The following CUBN variants were observed in gnomAD, a reference collection of about 807,000 sequenced individuals.
CUBN encodes the protein cubilin.
Under a neutral mutation model 405.3 loss-of-function variants are expected in CUBN, and 282 were observed. The observed-to-expected ratio is 0.70, with a 90% CI of 0.63 to 0.77. CUBN has a LOEUF of 0.77. Ranked by LOEUF, CUBN falls within the 30% of genes least tolerant of loss-of-function variation. The pLI, the probability that CUBN is intolerant of heterozygous loss-of-function variation, is 0.00. For synonymous variants in CUBN, 1,684 were observed against 1,617.0 expected (o/e 1.04, Z -0.99); for missense variants, 4,514 against 4,475.2 (o/e 1.01, Z -0.25).
chr10:17,066,298 G>C (rs1236850808), intron 21 of CUBN, among the ~76,000 whole-genome samples: 1 of 152,168 alleles, frequency 6.6e-6, no homozygotes, highest in African/African-American at 2.4e-5. Flanking sequence ...AAAGAGAGTT[G>C]TGATAAAAGA....
intron 9 of CUBN, among the ~76,000 whole-genome samples, chr10:17,110,032 T>C (rs1365549385): frequency 1.3e-5 from 2 of 152,202 alleles, no homozygotes; most frequent in Admixed American, 1.3e-4. Flanking sequence ...ATTTTTATAT[T>C]ACAGTGACTC....
Position 17,084,643 on chromosome 10 carries a change from A to T in CUBN, c.2111-182T>A, listed in dbSNP as rs926294018. 2.6e-5 allele frequency among the ~76,000 whole-genome samples: 4 copies of T among 152,238 alleles called. No individual in the cohort carries two copies. In the East Asian group the frequency reaches 5.8e-4, roughly 22 times the overall value. On this transcript the variant is annotated intron_variant, in intron 16 of 66. Coordinates refer to ENST00000377833, the MANE Select transcript of CUBN (RefSeq NM_001081.4). ...TTTTCAGTTTGATGTGTTGTGGGAC[A>T]TCTCTGTAGTGGCTTAAAGAAATAG...
chr10:16,914,268 A>T (rs1284942049), intron 47 of CUBN, among the ~76,000 whole-genome samples: 1 of 152,148 alleles, frequency 6.6e-6, no homozygotes, highest in Non-Finnish European at 1.5e-5. Context: ...TAATGAACTT[A>T]AGAATCAGGA....
intron 56 of CUBN, among the ~76,000 whole-genome samples, chr10:16,882,462 G>A (rs11254258): frequency 0.06 from 8,358 of 139,538 alleles, 766 homozygotes; most frequent in East Asian, 0.32. Flanking sequence ...CTATTTTTCC[G>A]GGATTTATTA....
At chr10:16,866,969 TAA>T (rs1840204065) in intron 59 of CUBN, among the ~76,000 whole-genome samples, 1 of 152,220 alleles carries the variant, frequency 6.6e-6, no homozygotes, top group African/African-American at 2.4e-5. Flanking sequence ...GAATTGAACC[TAA>T]TAGTCACATA....
chr10:16,862,145 C>CTT (rs1840032293), intron 59 of CUBN, among the ~76,000 whole-genome samples: 1 of 90,698 alleles, frequency 1.1e-5, no homozygotes. Flanking sequence ...GAGACTCCGT[C>CTT]TCTCTCTCTC....
At chr10:16,869,567 G>C in intron 59 of CUBN, 69 bp downstream of exon 59, 6 of 981,164 alleles carry the variant, frequency 6.1e-6, no homozygotes, top group Non-Finnish European at 7.8e-6. Context: ...TGGGGGGGGG[G>C]CGGGGAAATT....
intron 59 of CUBN, among the ~76,000 whole-genome samples, chr10:16,858,092 T>C (rs933195156): frequency 9.9e-5 from 15 of 152,100 alleles, no homozygotes; most frequent in African/African-American, 3.1e-4. Context: ...TTTAGGTATA[T>C]ACTTAATGAA....
chr10:17,065,499 T>C lies in CUBN; in HGVS notation c.3139+9A>G. 1 of 1,612,946 alleles carries C rather than the reference T, an allele frequency of 6.2e-7. No individual in the cohort carries two copies. Among genetic ancestry groups the C allele is most frequent in the Non-Finnish European group, 8.5e-7 (1 of 1,179,150 alleles). ...CAATAAAACCGAGTATGCAATGCTG[T>C]TTTGTTACCTGTTGCTGCACTGATT... On this transcript the variant is annotated intron_variant, in intron 22 of 66. Transcript: ENST00000377833.
chr10:17,063,411 A>G (rs912172346), intron 22 of CUBN, among the ~76,000 whole-genome samples: 2 of 152,172 alleles, frequency 1.3e-5, no homozygotes, highest in Non-Finnish European at 1.5e-5. Flanking sequence ...CAAAGTAATG[A>G]TTATCACACA....
chr10:16,914,998 CT>C lies in CUBN; in HGVS notation c.7351+33del, dbSNP rs762899505. 25 of 1,590,228 alleles carry C rather than the reference CT, an allele frequency of 1.6e-5. No individual in the cohort carries two copies. The African/African-American group carries it at 2.1e-4, about 14-fold the overall frequency. On this transcript the variant is annotated intron_variant, in intron 47 of 66. Coordinates refer to ENST00000377833, the MANE Select transcript of CUBN (RefSeq NM_001081.4). ...GCATAGTGTCTGTCCAATGCAGGTG[CT>C]CAATGTTGTGTTGAATGAATCAATG... is the stretch of plus-strand genomic sequence containing the variant.
intron 35 of CUBN, among the ~76,000 whole-genome samples, chr10:16,947,572 G>C (rs1261635539): frequency 6.6e-6 from 1 of 152,206 alleles, no homozygotes; most frequent in Non-Finnish European, 1.5e-5. Context: ...TGGTGGATTA[G>C]AAGGAATTTC....
chr10:17,125,775 T>C (rs1177914180), intron 4 of CUBN, among the ~76,000 whole-genome samples: 1 of 152,184 alleles, frequency 6.6e-6, no homozygotes, highest in African/African-American at 2.4e-5. Context: ...GCTGAGCGAA[T>C]ATAATGAAGC....
At chr10:16,923,389 T>A (rs2131474769) in intron 43 of CUBN, among the ~76,000 whole-genome samples, 1 of 152,240 alleles carries the variant, frequency 6.6e-6, no homozygotes, top group African/African-American at 2.4e-5. Flanking sequence ...TCAAAAAATG[T>A]TCACAAAAGG....
chr10:16,990,591 G>A lies in CUBN; in HGVS notation c.4169-76C>T, dbSNP rs12359150. ...AAAATAATTCCAAATTCAACTCACC[G>A]AAAGGCCATCAAAAATATACAATGC... On this transcript the variant is annotated intron_variant, in intron 28 of 66. Transcript: ENST00000377833. The A allele has an allele frequency of 0.078, 101,622 of 1,310,174 alleles. 4,645 individuals carry two copies. Among genetic ancestry groups the A allele is most frequent in the Non-Finnish European group, 0.091 (83,256 of 918,302 alleles). The allele number at this position is 1,310,174 out of a possible 1,614,324, so 81.2% of individuals were successfully genotyped here. A position where few individuals can be genotyped will look rare whatever the true frequency, so the allele number is the denominator to read the frequency against.
intron 36 of CUBN, among the ~76,000 whole-genome samples, chr10:16,944,089 C>A (rs1842720984): frequency 6.6e-6 from 1 of 152,096 alleles, no homozygotes; most frequent in Non-Finnish European, 1.5e-5. Flanking sequence ...TGAACTGAGA[C>A]CTATCACTTT....
chr10:16,959,488 T>C (rs1269485247), intron 31 of CUBN, among the ~76,000 whole-genome samples: 1 of 151,956 alleles, frequency 6.6e-6, no homozygotes, highest in African/African-American at 2.4e-5. Flanking sequence ...ATTAGCCAGA[T>C]GTAGTGGCAC....
Position 17,056,451 on chromosome 10 carries a change from T to C in CUBN, c.3140-8848A>G, listed in dbSNP as rs142471789. On this transcript the variant is annotated intron_variant, in intron 22 of 66. Coordinates refer to ENST00000377833, the MANE Select transcript of CUBN (RefSeq NM_001081.4). ...CGGTGAAACCCGTCTCTACTAAAAA[T>C]ACAAAAAATTACCTGGGCATGGTGG... Among the ~76,000 whole-genome samples the C allele has an allele frequency of 8.1e-3, 1,227 of 151,756 alleles. 19 individuals are homozygous for C. Among genetic ancestry groups the C allele is most frequent in the African/African-American group, 0.029 (1,181 of 41,390 alleles).
intron 57 of CUBN, among the ~76,000 whole-genome samples, chr10:16,876,306 A>G (rs1386723312): frequency 6.6e-6 from 1 of 152,192 alleles, no homozygotes; most frequent in Non-Finnish European, 1.5e-5. Flanking sequence ...AGGAAATGCA[A>G]TCTTAGAATT....
Sources: allele counts gnomAD v4.1 joint callset (sites outside exome capture counted in the v4.1 genomes callset), GRCh38; gene constraint gnomAD v4.1.1; transcripts MANE v1.5; gene names NCBI Gene and HGNC (gene_info 2026-07-23, HGNC 2026-07-21).